Variants in KCNQ5 observed in about 807,000 individuals in gnomAD.
KCNQ5 encodes potassium voltage-gated channel subfamily KQT member 5.
KCNQ5 carries 30 observed loss-of-function variants against 98.2 expected under a neutral mutation model. The ratio of observed to expected loss-of-function variants is 0.31; its 90% CI spans 0.23 to 0.41. The LOEUF (loss-of-function observed/expected upper bound fraction) is 0.41, where lower values mean the gene tolerates loss of function less well. Ranked by LOEUF, KCNQ5 falls within the 10% of genes least tolerant of loss-of-function variation. The pLI is 1.00. For synonymous variants in KCNQ5, 458 were observed against 449.4 expected (o/e 1.02, Z -0.24); for missense variants, 835 against 1,182.5 (o/e 0.71, Z 4.31).
At chr6:73,158,464 A>C (rs1777473426) in intron 10 of KCNQ5, among the ~76,000 whole-genome samples, 1 of 151,684 alleles carries the variant, frequency 6.6e-6, no homozygotes, top group Non-Finnish European at 1.5e-5. Context: ...ACGGGGTTTC[A>C]CCACGTTGGC....
At chr6:72,868,540 T>C (rs559373465) in intron 1 of KCNQ5, among the ~76,000 whole-genome samples, 4 of 152,266 alleles carry the variant, frequency 2.6e-5, no homozygotes, top group African/African-American at 9.6e-5. Flanking sequence ...TGGACCTAGC[T>C]GCAATGGAAG....
chr6:73,157,177 C>T (rs1777395165), intron 10 of KCNQ5, among the ~76,000 whole-genome samples: 1 of 152,248 alleles, frequency 6.6e-6, no homozygotes, highest in Admixed American at 6.5e-5. Context: ...CGCCTCGTTT[C>T]CTCGAGCGGG....
Position 72,837,760 on chromosome 6 carries a change from CAT to C in KCNQ5, c.399-166141_399-166140del, listed in dbSNP as rs371393776. The stretch of plus-strand genomic sequence containing the variant: ...TTTTTTAAAGATGTAATATGTTAAA[CAT>C]ATATATGTTTAAACATGTTATATAT... On this transcript the variant is annotated intron_variant, in intron 1 of 13. Coordinates refer to ENST00000370398, the MANE Select transcript of KCNQ5 (RefSeq NM_019842.4). Among the ~76,000 whole-genome samples, 330 of 151,948 alleles carry C rather than the reference CAT, an allele frequency of 2.2e-3. 1 individual carries two copies. Among genetic ancestry groups the C allele is most frequent in the African/African-American group, 6.0e-3 (247 of 41,430 alleles).
intron 9 of KCNQ5, chr6:73,124,713 T>C (rs1017674311): frequency 3.4e-6 from 2 of 589,224 alleles, no homozygotes; most frequent in Non-Finnish European, 6.0e-6. Context: ...ACTCACTCCC[T>C]GCTTTTTCAA....
chr6:73,197,004 T>C lies in KCNQ5; in HGVS notation c.*1590T>C, dbSNP rs892674562. On this transcript the variant is annotated 3_prime_UTR_variant, in exon 14 of 14. Transcript: ENST00000370398. ...CCACAGGAGGACTCAAGAAAGGAAG[T>C]TGTTTCCTTGGCAGACATAAATGCT... 10 of 151,952 alleles carry C rather than the reference T, an allele frequency of 6.6e-5. No individual in the cohort carries two copies. Among genetic ancestry groups the C allele is most frequent in the Non-Finnish European group, 1.5e-5 (1 of 67,982 alleles). The allele number at this position is 151,952 out of a possible 1,614,324, so 9.4% of individuals were successfully genotyped here.
chr6:72,748,197 G>T (rs1297399002), intron 1 of KCNQ5, among the ~76,000 whole-genome samples: 1 of 151,868 alleles, frequency 6.6e-6, no homozygotes, highest in Admixed American at 6.6e-5. Flanking sequence ...TTGTTTGTTT[G>T]TTTTTTTAAT....
chr6:72,971,247 G>T (rs1021951528), intron 1 of KCNQ5, among the ~76,000 whole-genome samples: 7 of 152,180 alleles, frequency 4.6e-5, no homozygotes, highest in African/African-American at 9.7e-5. Context: ...ATGAAAAAAT[G>T]CTCATTATCA....
intron 6 of KCNQ5, 130 bp from the exon 7 acceptor site, chr6:73,111,178 A>G: frequency 1.5e-6 from 1 of 660,152 alleles, no homozygotes; most frequent in Non-Finnish European, 2.7e-6. Context: ...TATTTTAATA[A>G]GTAACATGTT....
At chr6:73,150,017 A>G (rs1582448052) in intron 10 of KCNQ5, among the ~76,000 whole-genome samples, 1 of 152,000 alleles carries the variant, frequency 6.6e-6, no homozygotes, top group African/African-American at 2.4e-5. Flanking sequence ...GAAAAAAAAA[A>G]AAACACCAGT....
At chr6:72,643,364 T>C (rs1051640874) in intron 1 of KCNQ5, among the ~76,000 whole-genome samples, 1 of 152,164 alleles carries the variant, frequency 6.6e-6, no homozygotes, top group Non-Finnish European at 1.5e-5. Flanking sequence ...TATTTAACCC[T>C]GACTTCACAT....
intron 7 of KCNQ5, among the ~76,000 whole-genome samples, chr6:73,120,105 G>A (rs1284179217): frequency 2.0e-5 from 3 of 151,250 alleles, no homozygotes; most frequent in Admixed American, 6.6e-5. Context: ...AAATAGCCAG[G>A]CATGGTGGTG....
At chr6:72,698,649 T>TTCTTC (rs1491414768) in intron 1 of KCNQ5, among the ~76,000 whole-genome samples, 2 of 81,082 alleles carry the variant, frequency 2.5e-5, no homozygotes, top group East Asian at 1.2e-3. Flanking sequence ...CTTCTTCTTC[T>TTCTTC]TTTTTTTTTT....
At chr6:72,663,110 G>A (rs1012376026) in intron 1 of KCNQ5, among the ~76,000 whole-genome samples, 5 of 152,168 alleles carry the variant, frequency 3.3e-5, no homozygotes, top group East Asian at 3.9e-4. Flanking sequence ...ACATAGGGAG[G>A]GGAACATTAC....
intron 9 of KCNQ5, among the ~76,000 whole-genome samples, chr6:73,131,245 T>C (rs1195072801): frequency 6.6e-6 from 1 of 152,182 alleles, no homozygotes; most frequent in Admixed American, 6.5e-5. Context: ...ACTTTTTTAG[T>C]AATTGAATTT....
chr6:72,942,254 C>A (rs1437475022), intron 1 of KCNQ5, among the ~76,000 whole-genome samples: 1 of 152,188 alleles, frequency 6.6e-6, no homozygotes, highest in Non-Finnish European at 1.5e-5. Flanking sequence ...TTTCCATTTA[C>A]AGAATCACAC....
At chr6:72,912,271 A>C (rs1424550683) in intron 1 of KCNQ5, among the ~76,000 whole-genome samples, 3 of 152,216 alleles carry the variant, frequency 2.0e-5, no homozygotes, top group Non-Finnish European at 4.4e-5. Flanking sequence ...AAATCAAAAA[A>C]AAACTTAATG....
chr6:72,970,100 A>T (rs1022953258), intron 1 of KCNQ5, among the ~76,000 whole-genome samples: 3 of 152,130 alleles, frequency 2.0e-5, no homozygotes, highest in African/African-American at 7.2e-5. Flanking sequence ...CTCTAAAAAA[A>T]TAAAATAAAT....
chr6:72,759,817 A>T (rs1772164571), intron 1 of KCNQ5, among the ~76,000 whole-genome samples: 1 of 152,128 alleles, frequency 6.6e-6, no homozygotes, highest in African/African-American at 2.4e-5. Flanking sequence ...AAGTAAAAAA[A>T]GTGCAAATAT....
intron 1 of KCNQ5, among the ~76,000 whole-genome samples, chr6:72,961,772 G>C (rs1767367784): frequency 6.6e-6 from 1 of 152,068 alleles, no homozygotes; most frequent in South Asian, 2.1e-4. Flanking sequence ...AATCCATTCA[G>C]GTAATTGTGC....
Sources: allele counts gnomAD v4.1 joint callset (sites outside exome capture counted in the v4.1 genomes callset), GRCh38; gene constraint gnomAD v4.1.1; transcripts MANE v1.5; gene names NCBI Gene and HGNC (gene_info 2026-07-23, HGNC 2026-07-21).